The following LINGO2 variants were observed in gnomAD, a reference collection of about 807,000 sequenced individuals.
The protein encoded by LINGO2 is leucine rich repeat and Ig domain containing 2.
In LINGO2, 14 loss-of-function variants were observed where a neutral mutation model predicts 30.6. The observed-to-expected ratio is 0.46, with a 90% CI of 0.30 to 0.72. The LOEUF is 0.72. LINGO2 is among the 30% of genes least tolerant of loss of function. The pLI is 0.07. For missense variants in LINGO2, 729 were observed against 751.7 expected, an observed-to-expected ratio of 0.97 and a Z score of 0.35; for synonymous variants, 317 against 288.5, an observed-to-expected ratio of 1.10 and a Z score of -1.00.
the LINGO2 span, among the ~76,000 whole-genome samples, chr9:29,189,129 C>T: frequency 1.6e-5 from 2 of 129,026 alleles, no homozygotes; most frequent in Admixed American, 1.6e-4. Flanking sequence ...GACGGGGCGG[C>T]TGGCCGGGCG....
the LINGO2 span, among the ~76,000 whole-genome samples, chr9:28,876,314 T>A: frequency 6.6e-6 from 1 of 152,084 alleles, no homozygotes; most frequent in Non-Finnish European, 1.5e-5. Context: ...GTTAGTTACA[T>A]ATGTATACAT....
At chr9:28,081,671 G>A (rs147259959) in intron 4 of LINGO2, among the ~76,000 whole-genome samples, 1 of 152,128 alleles carries the variant, frequency 6.6e-6, no homozygotes, top group African/African-American at 2.4e-5. Flanking sequence ...TATGACCTTG[G>A]ATGAGTTACT....
the LINGO2 span, among the ~76,000 whole-genome samples, chr9:28,865,068 T>C: frequency 1.3e-5 from 2 of 151,904 alleles, no homozygotes; most frequent in Admixed American, 6.6e-5. Context: ...ACTGAAAGAG[T>C]AGCAGGAATT....
intron 4 of LINGO2, among the ~76,000 whole-genome samples, chr9:28,038,376 G>C (rs1824039892): frequency 6.6e-6 from 1 of 152,162 alleles, no homozygotes; most frequent in Admixed American, 6.5e-5. Context: ...ACGTGCACCT[G>C]CTCATATTCA....
At chr9:28,440,002 G>C (rs1168906997) in intron 2 of LINGO2, among the ~76,000 whole-genome samples, 1 of 152,120 alleles carries the variant, frequency 6.6e-6, no homozygotes, top group Non-Finnish European at 1.5e-5. Context: ...TTGGGCTGCT[G>C]TTAGACTCTG....
chr9:28,078,023 C>A (rs998462744), intron 4 of LINGO2, among the ~76,000 whole-genome samples: 2 of 149,248 alleles, frequency 1.3e-5, no homozygotes, highest in Non-Finnish European at 2.9e-5. Context: ...TTTAACATAT[C>A]TTTTTTTGTA....
chr9:28,682,341 T>C, the LINGO2 span, among the ~76,000 whole-genome samples: 1 of 152,186 alleles, frequency 6.6e-6, no homozygotes, highest in Non-Finnish European at 1.5e-5. Context: ...GGACTGTGCC[T>C]GACTTGCATA....
In LINGO2 at chr9:28,267,081, T is replaced by A. The variant is rs139788465; in HGVS notation, c.-87+28127A>T. ...CCAGACAGTGCAATAATGCCCTGTTTGTGTAGGCCGAGGAGGATGAGCAAG... is the reference window on the plus strand; with the variant it reads ...CCAGACAGTGCAATAATGCCCTGTTAGTGTAGGCCGAGGAGGATGAGCAAG... On this transcript the variant is annotated intron_variant, in intron 4 of 5. Coordinates refer to ENST00000379992, the Ensembl canonical transcript of LINGO2. Among the ~76,000 whole-genome samples the A allele has an allele frequency of 6.0e-4, 91 of 152,108 alleles. No individual in the cohort carries two copies. The East Asian group carries it at 0.015, about 25-fold the overall frequency.
At chr9:28,535,608 T>C (rs746605554) in intron 1 of LINGO2, among the ~76,000 whole-genome samples, 1 of 152,090 alleles carries the variant, frequency 6.6e-6, no homozygotes, top group African/African-American at 2.4e-5. Context: ...ACTGTCCAAA[T>C]AGATTTCCTT....
At chr9:28,110,915 T>A (rs1382558661) in intron 4 of LINGO2, among the ~76,000 whole-genome samples, 1 of 152,172 alleles carries the variant, frequency 6.6e-6, no homozygotes, top group Non-Finnish European at 1.5e-5. Flanking sequence ...TAAATCATTC[T>A]ACTATAAAGA....
At chr9:28,558,615 A>G (rs1271800954) in intron 1 of LINGO2, among the ~76,000 whole-genome samples, 1 of 152,110 alleles carries the variant, frequency 6.6e-6, no homozygotes, top group Non-Finnish European at 1.5e-5. Flanking sequence ...GTATTTAGCC[A>G]TAATTTCATC....
intron 3 of LINGO2, among the ~76,000 whole-genome samples, chr9:28,333,523 T>TTTC (rs1277207313): frequency 1.3e-5 from 2 of 152,118 alleles, no homozygotes; most frequent in Non-Finnish European, 2.9e-5. Flanking sequence ...AAGATACATT[T>TTTC]TTCTTCTTCT....
intron 4 of LINGO2, among the ~76,000 whole-genome samples, chr9:28,119,315 T>C (rs2133389678): frequency 6.6e-6 from 1 of 152,220 alleles, no homozygotes; most frequent in South Asian, 2.1e-4. Flanking sequence ...TTAGTAGAGG[T>C]GGGGTTTCAC....
the LINGO2 span, among the ~76,000 whole-genome samples, chr9:28,881,453 C>T: frequency 7.7e-4 from 117 of 152,030 alleles, no homozygotes; most frequent in African/African-American, 2.3e-3. Context: ...TGTCAGTGAT[C>T]CACAAAAAGA....
the LINGO2 span, among the ~76,000 whole-genome samples, chr9:28,845,917 T>C: frequency 1.1e-3 from 160 of 151,782 alleles, 2 homozygotes; most frequent in Non-Finnish European, 6.9e-4. Flanking sequence ...TGGTGTTCTC[T>C]AATTAAATTA....
chr9:29,125,353 C>A, the LINGO2 span, among the ~76,000 whole-genome samples: 14 of 152,124 alleles, frequency 9.2e-5, no homozygotes, highest in South Asian at 2.5e-3. Flanking sequence ...GTGCAGCAAA[C>A]CACCATGGCA....
intron 3 of LINGO2, among the ~76,000 whole-genome samples, chr9:28,301,040 G>A (rs1001271718): frequency 8.6e-5 from 13 of 152,046 alleles, no homozygotes; most frequent in African/African-American, 1.5e-4. Context: ...TTTAGAGAGA[G>A]ATCTTTTAAA....
intron 4 of LINGO2, among the ~76,000 whole-genome samples, chr9:28,054,551 A>G (rs369866163): frequency 1.4e-4 from 21 of 152,240 alleles, no homozygotes; most frequent in South Asian, 1.2e-3. Context: ...TTGAAGTTCC[A>G]TTAACTGTTT....
chr9:28,578,605 A>G (rs1824105945), intron 1 of LINGO2, among the ~76,000 whole-genome samples: 1 of 152,154 alleles, frequency 6.6e-6, no homozygotes. Context: ...CTGTTAAACA[A>G]GTCCATGTTT....
Sources: allele counts gnomAD v4.1 joint callset (sites outside exome capture counted in the v4.1 genomes callset), GRCh38; gene constraint gnomAD v4.1.1; transcripts MANE v1.5; gene names NCBI Gene and HGNC (gene_info 2026-07-23, HGNC 2026-07-21).